Variants in PCDHA4 observed in about 807,000 individuals in gnomAD.
PCDHA4 encodes the protein protocadherin alpha 4, also known as protocadherin alpha-4.
In PCDHA4, 49 loss-of-function variants were observed where a neutral mutation model predicts 61.4. That is an observed-to-expected ratio of 0.80 (90% CI 0.63 to 1.01). The LOEUF (loss-of-function observed/expected upper bound fraction) is 1.01. PCDHA4 is among the 50% of genes least tolerant of loss of function. The pLI, the probability that PCDHA4 is intolerant of heterozygous loss-of-function variation, is 0.00. For missense variants in PCDHA4, 1,254 were observed against 1,235.8 expected (o/e 1.01, Z -0.22); for synonymous variants, 590 against 550.3 (o/e 1.07, Z -1.01).
At chr5:140,938,333 T>G (rs2092022298) in intron 1 of PCDHA4, among the ~76,000 whole-genome samples, 1 of 152,248 alleles carries the variant, frequency 6.6e-6, no homozygotes, top group Non-Finnish European at 1.5e-5. Context: ...GTAATGTTAA[T>G]GGATAATCTT....
rs868916626 is a variant in PCDHA4, at chr5:140,946,629, T to C, written c.2386-32320T>C. 3.4e-3 allele frequency among the ~76,000 whole-genome samples: 415 copies of C among 123,330 alleles called. 16 individuals carry two copies. The highest frequency in any genetic ancestry group is 0.017 in the Middle Eastern group (4 of 240). The allele number at this position is 123,330 out of a possible 152,430, so 80.9% of individuals were successfully genotyped here. On this transcript the variant is annotated intron_variant, in intron 1 of 3. Coordinates refer to ENST00000530339, the MANE Select transcript of PCDHA4 (RefSeq NM_018907.4). ...AATGTGAAATATATATATATATATATATACAATGGAATACTCATCAGCCAT... is the reference window on the plus strand; with the variant it reads ...AATGTGAAATATATATATATATATACATACAATGGAATACTCATCAGCCAT...
At chr5:140,839,929 A>G (rs1196921808) in intron 1 of PCDHA4, among the ~76,000 whole-genome samples, 3 of 152,064 alleles carry the variant, frequency 2.0e-5, no homozygotes, top group Non-Finnish European at 2.9e-5. Context: ...TTGAACAAAG[A>G]GTGTGCCAAG....
intron 3 of PCDHA4, among the ~76,000 whole-genome samples, chr5:140,999,451 C>T (rs1245812469): frequency 4.6e-5 from 7 of 152,084 alleles, no homozygotes; most frequent in African/African-American, 9.7e-5. Context: ...ATTCGTTCAA[C>T]GAATAAGTGG....
At chr5:140,943,927 A>G (rs1407165466) in intron 1 of PCDHA4, among the ~76,000 whole-genome samples, 2 of 152,236 alleles carry the variant, frequency 1.3e-5, no homozygotes, top group East Asian at 1.9e-4. Flanking sequence ...GAGCAGCTTT[A>G]GAAGTGTGGT....
At chr5:140,964,482 G>A (rs1554227054) in intron 1 of PCDHA4, among the ~76,000 whole-genome samples, 1 of 152,144 alleles carries the variant, frequency 6.6e-6, no homozygotes, top group African/African-American at 2.4e-5. Flanking sequence ...TTTTTTCACA[G>A]TCACAGGTCT....
intron 1 of PCDHA4, 50 bp downstream of exon 1, chr5:140,809,622 C>T: frequency 6.6e-7 from 1 of 1,509,540 alleles, no homozygotes; most frequent in Non-Finnish European, 8.9e-7. Context: ...TTTTCTCTAT[C>T]AACTTCTTCG....
chr5:140,939,424 A>G lies in PCDHA4; in HGVS notation c.2386-39525A>G, dbSNP rs186047779. 5.0e-4 allele frequency among the ~76,000 whole-genome samples: 76 copies of G among 152,290 alleles called. 1 individual carries two copies. Among genetic ancestry groups the G allele is most frequent in the Admixed American group, 1.3e-4 (2 of 15,302 alleles). On this transcript the variant is annotated intron_variant, in intron 1 of 3. Coordinates refer to ENST00000530339, the MANE Select transcript of PCDHA4 (RefSeq NM_018907.4). ...GTGTAAATCAGCATTTTTTTCTTCC[A>G]TAAGCATTTGAAGAATTAAGAGTGA...
rs782745865 is a variant in PCDHA4, at chr5:140,809,475, G to C, written c.2288G>C (p.Gly763Ala). The change falls in exon 1 of 4, where the codon GGC becomes GCC. Residue 763 changes from glycine (G) to alanine (A), a missense_variant. Physicochemically the swap from Gly to Ala is moderately conservative, Grantham distance 60. Transcript: ENST00000530339. The part of the protein sequence containing the change: ...QRRPRVCSGE[G>A]PPKTDLMAFS... The stretch of plus-strand genomic sequence containing the variant: ...AGGCCGAGGGTGTGCTCTGGTGAGG[G>C]CCCACCCAAGACCGACCTCATGGCC... The C allele has an allele frequency of 6.2e-7, 1 of 1,614,098 alleles. No homozygotes were observed. Among genetic ancestry groups the C allele is most frequent in the Non-Finnish European group, 8.5e-7 (1 of 1,180,048 alleles).
chr5:140,877,507 T>G, intron 1 of PCDHA4: 1 of 1,613,744 alleles, frequency 6.2e-7, no homozygotes, highest in Non-Finnish European at 8.5e-7. Flanking sequence ...CCCAAAGACG[T>G]CGTCGCGGGC....
Position 140,808,253 on chromosome 5 carries a change from T to C in PCDHA4, c.1066T>C (p.Ser356Pro). 1.2e-6 allele frequency: 2 copies of C among 1,614,254 alleles called. No homozygotes were observed. Among genetic ancestry groups the C allele is most frequent in the South Asian group, 1.1e-5 (1 of 91,090 alleles). ...NVPDLEFKSL[S>P]LPIREDAPLG... ...CCCAGATTTGGAATTCAAGTCTTTA[T>C]CACTTCCAATTAGAGAGGACGCTCC... is the stretch of plus-strand genomic sequence containing the variant. Residue 356 changes from serine to proline, a missense_variant, in exon 1 of 4, where the codon TCA (serine) becomes CCA (proline). Transcript: ENST00000530339.
intron 1 of PCDHA4, among the ~76,000 whole-genome samples, chr5:140,909,836 C>T (rs2074710574): frequency 6.6e-6 from 1 of 152,176 alleles, no homozygotes; most frequent in South Asian, 2.1e-4. Flanking sequence ...ACTGGAGGAC[C>T]ACCAGGACGT....
chr5:140,830,668 A>G (rs1269050211), intron 1 of PCDHA4: 1 of 382,460 alleles, frequency 2.6e-6, no homozygotes, highest in African/African-American at 2.1e-5. Flanking sequence ...TTTAAGTGAA[A>G]TTAGAAATCA....
At chr5:140,883,959 C>T (rs782366148) in intron 1 of PCDHA4, 4 of 1,613,092 alleles carry the variant, frequency 2.5e-6, no homozygotes, top group Admixed American at 3.3e-5. Context: ...AACGCTCCGG[C>T]GCTGCTGACG....
intron 3 of PCDHA4, among the ~76,000 whole-genome samples, chr5:140,995,850 C>T (rs924455609): frequency 3.9e-5 from 6 of 152,080 alleles, no homozygotes; most frequent in African/African-American, 1.4e-4. Context: ...ACATTTCTAT[C>T]GTATCACTTA....
chr5:140,954,433 T>C (rs1554221415), intron 1 of PCDHA4, among the ~76,000 whole-genome samples: 2 of 151,820 alleles, frequency 1.3e-5, no homozygotes, highest in African/African-American at 4.8e-5. Flanking sequence ...TCTCCATCTG[T>C]TGTTTCTGGA....
Position 140,870,110 on chromosome 5 carries a change from G to A in PCDHA4, c.2385+60538G>A, listed in dbSNP as rs570133503. 6 of 1,613,896 alleles carry A rather than the reference G, an allele frequency of 3.7e-6. No individual in the cohort carries two copies. In the South Asian group the frequency reaches 6.6e-5, roughly 18 times the overall value. On this transcript the variant is annotated intron_variant, in intron 1 of 3. Coordinates refer to ENST00000530339, the MANE Select transcript of PCDHA4 (RefSeq NM_018907.4). ...CCAATGGCAGGTCACTGTACAGTCT[G>A]GGTGGAAATCTTGGACACCAACGAT... is the stretch of plus-strand genomic sequence containing the variant.
intron 1 of PCDHA4, chr5:140,852,963 C>A: frequency 2.4e-6 from 1 of 424,740 alleles, no homozygotes; most frequent in Non-Finnish European, 3.3e-6. Context: ...ACTCCAAGCT[C>A]CCCCTCCCGT....
At chr5:140,867,409 T>C (rs1299874634) in intron 1 of PCDHA4, 1 of 152,170 alleles carries the variant, frequency 6.6e-6, no homozygotes, top group Admixed American at 6.5e-5. Context: ...ATGTCTCCTT[T>C]AATTTTTTAA....
chr5:140,928,297 G>A, intron 1 of PCDHA4: 1 of 1,614,112 alleles, frequency 6.2e-7, no homozygotes, highest in Non-Finnish European at 8.5e-7. Flanking sequence ...CCGAGTGTTT[G>A]CCCAGGACCC....
Sources: gnomAD v4.1 joint callset for allele counts (sites outside exome capture counted in the v4.1 genomes callset) on GRCh38, gnomAD v4.1.1 for gene constraint, MANE v1.5 for transcripts, NCBI Gene and HGNC (gene_info 2026-07-23, HGNC 2026-07-21) for gene names.